Variants in ATP6V1H observed in about 807,000 individuals in gnomAD.
ATP6V1H encodes V-type proton ATPase subunit H.
A neutral mutation model predicts 71.7 loss-of-function variants in ATP6V1H; 39 were observed. The ratio of observed to expected loss-of-function variants is 0.54; its 90% CI spans 0.42 to 0.71. ATP6V1H has a LOEUF of 0.71. ATP6V1H is among the 30% of genes least tolerant of loss of function. The pLI, the probability that ATP6V1H is intolerant of heterozygous loss-of-function variation, is 0.00. For synonymous variants in ATP6V1H, 192 were observed against 199.3 expected, an observed-to-expected ratio of 0.96 and a Z score of 0.31; for missense variants, 509 against 594.9, an observed-to-expected ratio of 0.86 and a Z score of 1.50.
At chr8:53,816,822 T>C (rs1810469430) in intron 5 of ATP6V1H, among the ~76,000 whole-genome samples, 1 of 152,044 alleles carries the variant, frequency 6.6e-6, no homozygotes, top group African/African-American at 2.4e-5. Context: ...GTATTTAAGA[T>C]ATTGAAAAGC....
At position 53,794,695 on chromosome 8, in the gene ATP6V1H, A is replaced by G. The variant is rs538068724; in HGVS notation, c.870+952T>C. Among the ~76,000 whole-genome samples the G allele has an allele frequency of 4.6e-5, 7 of 152,308 alleles. No individual in the cohort carries two copies. The South Asian group carries it at 1.5e-3, about 32-fold the overall frequency. On this transcript the variant is annotated intron_variant, in intron 9 of 13. Transcript: ENST00000359530. ...TTTTTATTTTTTACTTGTTTTTTAAAGAAAGTATAAGAACAAAAATGGTTA... is the reference window on the plus strand; with the variant it reads ...TTTTTATTTTTTACTTGTTTTTTAAGGAAAGTATAAGAACAAAAATGGTTA...
At chr8:53,792,584 G>A (rs1238254825) in intron 9 of ATP6V1H, among the ~76,000 whole-genome samples, 1 of 152,108 alleles carries the variant, frequency 6.6e-6, no homozygotes, top group Non-Finnish European at 1.5e-5. Context: ...CAGTCTTAAG[G>A]TTCCTGAGAA....
chr8:53,756,721 A>T (rs1028495219), intron 11 of ATP6V1H, 65 bp from the exon 12 acceptor site: 7 of 978,018 alleles, frequency 7.2e-6, no homozygotes. Context: ...AACAGAGCAC[A>T]GGTATAATGA....
chr8:53,771,879 ACT>A (rs1467888301), intron 10 of ATP6V1H, 108 bp downstream of exon 10: 27 of 922,048 alleles, frequency 2.9e-5, no homozygotes, highest in Non-Finnish European at 4.2e-5. Context: ...ATTTTAGTGG[ACT>A]CTCTTGATTT....
intron 7 of ATP6V1H, among the ~76,000 whole-genome samples, chr8:53,810,272 G>A (rs562711093): frequency 1.3e-5 from 2 of 152,230 alleles, no homozygotes; most frequent in South Asian, 2.1e-4. Flanking sequence ...CATGAACATC[G>A]TTAACTTGTC....
chr8:53,763,508 T>C (rs1204699382), intron 11 of ATP6V1H, among the ~76,000 whole-genome samples: 1 of 152,212 alleles, frequency 6.6e-6, no homozygotes, highest in East Asian at 1.9e-4. Context: ...CAAACTGACT[T>C]ACAGCTTCAA....
chr8:53,771,302 C>T (rs1041886747), intron 10 of ATP6V1H, among the ~76,000 whole-genome samples: 2 of 152,166 alleles, frequency 1.3e-5, no homozygotes, highest in African/African-American at 2.4e-5. Flanking sequence ...CTTTTAAAAA[C>T]ATGCCAGTGG....
At chr8:53,765,006 G>T (rs1808401152) in intron 11 of ATP6V1H, among the ~76,000 whole-genome samples, 1 of 152,158 alleles carries the variant, frequency 6.6e-6, no homozygotes, top group Non-Finnish European at 1.5e-5. Flanking sequence ...TCAAGAGGCT[G>T]AGATGGGAGG....
chr8:53,787,590 T>C (rs2130386376), intron 9 of ATP6V1H, among the ~76,000 whole-genome samples: 1 of 152,320 alleles, frequency 6.6e-6, no homozygotes, highest in African/African-American at 2.4e-5. Flanking sequence ...AAAAATACAA[T>C]TCACTTTATC....
At chr8:53,755,553 A>G (rs1160901693) in intron 12 of ATP6V1H, among the ~76,000 whole-genome samples, 1 of 149,230 alleles carries the variant, frequency 6.7e-6, no homozygotes, top group Non-Finnish European at 1.5e-5. Flanking sequence ...AGATAAGTAA[A>G]TATTTTATGC....
chr8:53,744,647 G>A, intron 12 of ATP6V1H, among the ~76,000 whole-genome samples: 1 of 152,162 alleles, frequency 6.6e-6, no homozygotes, highest in Non-Finnish European at 1.5e-5. Flanking sequence ...GGGTCGGAGT[G>A]AGAGGGAAGC....
chr8:53,730,177 C>T (rs1258259660), intron 13 of ATP6V1H, among the ~76,000 whole-genome samples: 3 of 152,216 alleles, frequency 2.0e-5, no homozygotes, highest in Non-Finnish European at 4.4e-5. Context: ...TTTCTGGTCT[C>T]CAGTTTCAGT....
At chr8:53,830,311 G>A (rs994674540) in intron 3 of ATP6V1H, among the ~76,000 whole-genome samples, 2 of 152,150 alleles carry the variant, frequency 1.3e-5, no homozygotes, top group African/African-American at 2.4e-5. Flanking sequence ...ATTTCACTTG[G>A]TATTCACTCA....
chr8:53,789,993 T>C (rs1809516448), intron 9 of ATP6V1H, among the ~76,000 whole-genome samples: 1 of 152,174 alleles, frequency 6.6e-6, no homozygotes, highest in Admixed American at 6.5e-5. Flanking sequence ...TAACCATCTT[T>C]CCTAACAGTT....
At chr8:53,787,121 C>T (rs1436525774) in intron 9 of ATP6V1H, among the ~76,000 whole-genome samples, 1 of 152,218 alleles carries the variant, frequency 6.6e-6, no homozygotes, top group African/African-American at 2.4e-5. Flanking sequence ...TACTAACAAA[C>T]AGTTCACTGC....
Position 53,786,652 on chromosome 8 carries a change from A to G in ATP6V1H, c.870+8995T>C, listed in dbSNP as rs190943835. On this transcript the variant is annotated intron_variant, in intron 9 of 13. Coordinates refer to ENST00000359530, the MANE Select transcript of ATP6V1H (RefSeq NM_015941.4). Reference sequence around the variant, plus strand: ...CTGTAGACTGGAGCTGTTACTATTGAGCCATCTTGGCTCCACTCCCTGAAA... The same window carrying G: ...CTGTAGACTGGAGCTGTTACTATTGGGCCATCTTGGCTCCACTCCCTGAAA... 2.2e-3 allele frequency among the ~76,000 whole-genome samples: 339 copies of G among 152,344 alleles called. 2 individuals carry two copies. Among genetic ancestry groups the G allele is most frequent in the African/African-American group, 7.9e-3 (328 of 41,584 alleles).
chr8:53,719,008 C>G (rs1330344610), intron 13 of ATP6V1H, among the ~76,000 whole-genome samples: 2 of 152,140 alleles, frequency 1.3e-5, no homozygotes, highest in Non-Finnish European at 2.9e-5. Flanking sequence ...CTCAAGCTTT[C>G]TTGAAATTGT....
chr8:53,784,407 C>G (rs1424847530), intron 9 of ATP6V1H, among the ~76,000 whole-genome samples: 2 of 152,076 alleles, frequency 1.3e-5, no homozygotes, highest in Non-Finnish European at 2.9e-5. Context: ...TTCCTCCATC[C>G]CTTTATTTTG....
intron 13 of ATP6V1H, among the ~76,000 whole-genome samples, chr8:53,722,709 G>A (rs1056101682): frequency 2.6e-5 from 4 of 152,118 alleles, no homozygotes; most frequent in African/African-American, 9.7e-5. Context: ...AGGAGAGTTA[G>A]ACCTGGAAAA....
Sources: gnomAD v4.1 joint callset for allele counts (sites outside exome capture counted in the v4.1 genomes callset) on GRCh38, gnomAD v4.1.1 for gene constraint, MANE v1.5 for transcripts, NCBI Gene and HGNC (gene_info 2026-07-23, HGNC 2026-07-21) for gene names.